Variants in COL22A1 observed in about 807,000 individuals in gnomAD.
The protein encoded by COL22A1 is collagen alpha-1(XXII) chain.
A neutral mutation model predicts 248.9 loss-of-function variants in COL22A1; 221 were observed. The ratio of observed to expected loss-of-function variants is 0.89; its 90% CI spans 0.80 to 0.99. COL22A1 has a LOEUF of 0.99. COL22A1 is among the 50% of genes least tolerant of loss of function. The probability of loss-of-function intolerance (pLI) is 0.00; values close to 1 mark genes in which losing one functional copy is unlikely to be tolerated. For synonymous variants in COL22A1, 891 were observed against 793.4 expected, an observed-to-expected ratio of 1.12 and a Z score of -2.07; for missense variants, 2,240 against 2,179.0, an observed-to-expected ratio of 1.03 and a Z score of -0.56.
At position 138,688,251 on chromosome 8, in the gene COL22A1, T is replaced by C. The variant is rs532713880; in HGVS notation, c.2862+666A>G. On this transcript the variant is annotated intron_variant, in intron 37 of 64. Coordinates refer to ENST00000303045, the MANE Select transcript of COL22A1 (RefSeq NM_152888.3). ...AATTAAAATCTCAGGCTGGGTTCAG[T>C]GGCTCACACCTGTAATCCCAGCACT... Among the ~76,000 whole-genome samples, 71 of 151,872 alleles carry C rather than the reference T, an allele frequency of 4.7e-4. 1 individual carries two copies. Among genetic ancestry groups the C allele is most frequent in the African/African-American group, 1.6e-3 (67 of 41,396 alleles).
At chr8:138,733,537 G>T in intron 23 of COL22A1, among the ~76,000 whole-genome samples, 1 of 152,188 alleles carries the variant, frequency 6.6e-6, no homozygotes, top group East Asian at 1.9e-4. Context: ...ATATATGAAA[G>T]CTAAAGAGAA....
intron 39 of COL22A1, among the ~76,000 whole-genome samples, chr8:138,680,765 T>A (rs1321292685): frequency 6.6e-6 from 1 of 152,204 alleles, no homozygotes; most frequent in Non-Finnish European, 1.5e-5. Flanking sequence ...CAAATTCCAA[T>A]TTGTCTTCCC....
At chr8:138,789,657 T>C (rs1011658385) in intron 12 of COL22A1, among the ~76,000 whole-genome samples, 1 of 152,210 alleles carries the variant, frequency 6.6e-6, no homozygotes, top group African/African-American at 2.4e-5. Context: ...AGCATCACAT[T>C]GAAGGAGGGG....
intron 44 of COL22A1, among the ~76,000 whole-genome samples, chr8:138,659,868 C>T (rs1310827475): frequency 5.3e-5 from 8 of 152,212 alleles, no homozygotes; most frequent in South Asian, 2.1e-4. Flanking sequence ...CAAGAAAGAA[C>T]GTTTCTTCCA....
Position 138,703,361 on chromosome 8 carries a change from T to A in COL22A1, c.2518-14A>T, listed in dbSNP as rs1160360706. Reference sequence around the variant, plus strand: ...ACCAGCTTCACCCTAGATGGAGAAATGGAAAATCCATGACCATTAATCTTC... The same window carrying A: ...ACCAGCTTCACCCTAGATGGAGAAAAGGAAAATCCATGACCATTAATCTTC... On this transcript the variant is annotated splice_polypyrimidine_tract_variant and intron_variant, in intron 30 of 64. Transcript: ENST00000303045. 4 of 1,612,420 alleles carry A rather than the reference T, an allele frequency of 2.5e-6. No individual in the cohort carries two copies. The highest frequency in any genetic ancestry group is 1.3e-5 in the African/African-American group (1 of 74,968).
chr8:138,624,231 T>C (rs1318905101), intron 51 of COL22A1, among the ~76,000 whole-genome samples: 1 of 152,266 alleles, frequency 6.6e-6, no homozygotes, highest in East Asian at 1.9e-4. Context: ...GGTTCACTAC[T>C]GTGGGCACAG....
intron 1 of COL22A1, among the ~76,000 whole-genome samples, chr8:138,910,547 C>T (rs757010154): frequency 3.5e-4 from 53 of 152,072 alleles, no homozygotes; most frequent in Non-Finnish European, 6.0e-4. Context: ...GCACTTTTCC[C>T]ATCTTACTAG....
chr8:138,663,036 A>ACACACACACACACACACACACACACAC (rs1554737820), intron 42 of COL22A1, among the ~76,000 whole-genome samples: 6 of 151,872 alleles, frequency 4.0e-5, no homozygotes, highest in Admixed American at 6.6e-5. Context: ...ACACACACAC[A>ACACACACACACACACACACACACACAC]AAGCAATCCC....
At chr8:138,882,944 T>C in intron 2 of COL22A1, 138 bp downstream of exon 2, 1 of 795,224 alleles carries the variant, frequency 1.3e-6, no homozygotes, top group Non-Finnish European at 1.9e-6. Context: ...TGACTCACAC[T>C]TGGATTCCGG....
At chr8:138,862,090 C>T (rs1363085725) in intron 3 of COL22A1, among the ~76,000 whole-genome samples, 2 of 150,664 alleles carry the variant, frequency 1.3e-5, no homozygotes, top group Admixed American at 6.6e-5. Flanking sequence ...TGGTGGCACA[C>T]GCCTGTAGTC....
intron 31 of COL22A1, among the ~76,000 whole-genome samples, chr8:138,702,155 T>C (rs1271581029): frequency 6.6e-6 from 1 of 152,228 alleles, no homozygotes; most frequent in Non-Finnish European, 1.5e-5. Flanking sequence ...TACTGCCAAG[T>C]AACTTCTCAA....
intron 12 of COL22A1, among the ~76,000 whole-genome samples, chr8:138,781,637 C>T (rs1310674156): frequency 6.6e-6 from 1 of 152,176 alleles, no homozygotes; most frequent in South Asian, 2.1e-4. Context: ...GGGGGCTAGA[C>T]CAGCTCCTCA....
intron 1 of COL22A1, among the ~76,000 whole-genome samples, chr8:138,889,181 G>T (rs937454830): frequency 4.0e-5 from 6 of 150,924 alleles, no homozygotes; most frequent in African/African-American, 9.8e-5. Context: ...GTGAAAGAAG[G>T]GACTGGGGCT....
At chr8:138,714,118 C>T (rs772877104) in intron 30 of COL22A1, among the ~76,000 whole-genome samples, 9 of 152,194 alleles carry the variant, frequency 5.9e-5, no homozygotes, top group Non-Finnish European at 8.8e-5. Context: ...TGAACCTGCC[C>T]GCATGTTGCC....
At chr8:138,737,648 C>T in intron 22 of COL22A1, 71 bp from the exon 23 acceptor site, 3 of 1,011,278 alleles carry the variant, frequency 3.0e-6, no homozygotes, top group Non-Finnish European at 4.7e-6. Flanking sequence ...AATAATGAGT[C>T]TCGGTGGACA....
intron 3 of COL22A1, among the ~76,000 whole-genome samples, chr8:138,856,126 T>C (rs1563849039): frequency 6.6e-6 from 1 of 152,194 alleles, no homozygotes; most frequent in East Asian, 1.9e-4. Flanking sequence ...TTACTACAAA[T>C]GGCAAAGAAA....
At position 138,591,475 on chromosome 8, in the gene COL22A1, C is replaced by G; in HGVS notation, c.4642G>C (p.Gly1548Arg). 6.3e-7 allele frequency: 1 copy of G among 1,576,946 alleles called. No homozygotes were observed. The highest frequency in any genetic ancestry group is 8.6e-7 in the Non-Finnish European group (1 of 1,161,108). Reference protein sequence around the residue: ...KGERGAKGDPGAPGVGLRGEM... With the variant: ...KGERGAKGDPRAPGVGLRGEM... ...CCTCGGAGGCCAACTCCAGGTGCAC[C>G]TGGGTCACCTTTGGCTCCTCGCTCA... is the stretch of plus-strand genomic sequence containing the variant. The change falls in exon 64 of 65, where the codon GGT becomes CGT. Residue 1548 changes from glycine to arginine, a missense_variant. By Grantham distance (125) the Gly-to-Arg change is moderately radical (BLOSUM62 -2). Coordinates refer to ENST00000303045, the MANE Select transcript of COL22A1 (RefSeq NM_152888.3).
chr8:138,627,231 GCTTCCTGGGTTC>G (rs1351807947), intron 50 of COL22A1, among the ~76,000 whole-genome samples: 2 of 152,286 alleles, frequency 1.3e-5, no homozygotes, highest in African/African-American at 4.8e-5. Flanking sequence ...TGATAATGGA[GCTTCCTGGGTTC>G]CTTCCTGGAT....
chr8:138,895,084 G>GAA lies in COL22A1; in HGVS notation c.-72-11842_-72-11841dup, dbSNP rs113397430. Among the ~76,000 whole-genome samples, 1,338 of 146,814 alleles carry GAA rather than the reference G, an allele frequency of 9.1e-3. 8 individuals carry two copies. Among genetic ancestry groups the GAA allele is most frequent in the Middle Eastern group, 0.018 (5 of 282 alleles). The stretch of plus-strand genomic sequence containing the variant: ...TTAAAAAAAAAAAAAGAAAAGAAAA[G>GAA]AAAAAAAAACACTGTATTTTTTTGG... On this transcript the variant is annotated intron_variant, in intron 1 of 64. Transcript: ENST00000303045.
Sources: allele counts gnomAD v4.1 joint callset (sites outside exome capture counted in the v4.1 genomes callset), GRCh38; gene constraint gnomAD v4.1.1; transcripts MANE v1.5; gene names NCBI Gene and HGNC (gene_info 2026-07-23, HGNC 2026-07-21).